Variants in QRICH2 observed in about 807,000 individuals in gnomAD.
QRICH2 encodes the protein glutamine rich 2, also known as glutamine-rich protein 2.
In QRICH2, 119 loss-of-function variants were observed where a neutral mutation model predicts 168.3. The ratio of observed to expected loss-of-function variants is 0.71; its 90% CI spans 0.61 to 0.82. QRICH2 has a LOEUF of 0.82. Among genes scored for constraint, QRICH2 ranks in the 40% least tolerant of loss-of-function variants. QRICH2 has a pLI of 0.00. For missense variants in QRICH2, 2,241 were observed against 2,491.6 expected, an observed-to-expected ratio of 0.90 and a Z score of 2.14; for synonymous variants, 894 against 951.2, an observed-to-expected ratio of 0.94 and a Z score of 1.11.
At chr17:76,282,419 C>T (rs549119186) in intron 7 of QRICH2, among the ~76,000 whole-genome samples, 4 of 152,330 alleles carry the variant, frequency 2.6e-5, no homozygotes, top group East Asian at 3.9e-4. Context: ...TTAGCTAAAT[C>T]GTAAAGTGCT....
intron 3 of QRICH2, among the ~76,000 whole-genome samples, chr17:76,297,307 A>G (rs186985): frequency 0.48 from 72,370 of 152,016 alleles, 20,640 homozygotes; most frequent in African/African-American, 0.78. Context: ...AGGAGTTCGG[A>G]ACCAGCCTGG....
In QRICH2 at chr17:76,282,042, G is replaced by A. The variant is rs376603556; in HGVS notation, c.4085C>T (p.Pro1362Leu). The A allele has an allele frequency of 1.9e-5, 31 of 1,613,626 alleles. No homozygotes were observed. The highest frequency in any genetic ancestry group is 1.7e-4 in the Middle Eastern group (1 of 6,058). ...AGGAGCCAAGGTGTGGGCCTTGTGCGGGGCCATGCTCATGGACAGGAGCGT... is the reference window on the plus strand; with the variant it reads ...AGGAGCCAAGGTGTGGGCCTTGTGCAGGGCCATGCTCATGGACAGGAGCGT... ...SSTLLSMSMA[P>L]HKAHTLAPGQ... The change falls in exon 8 of 19, where the codon CCG becomes CTG. Residue 1362 changes from proline to leucine, a missense_variant. Physicochemically the swap from Pro to Leu is moderately conservative, Grantham distance 98. This residue lies in a region of QRICH2 where 2,047 missense variants were observed against 2,303.8 expected (regional missense o/e 0.89). Transcript: ENST00000680821.
intron 3 of QRICH2, among the ~76,000 whole-genome samples, chr17:76,298,220 G>A (rs1175930569): frequency 1.6e-4 from 19 of 119,678 alleles, no homozygotes; most frequent in African/African-American, 6.6e-4. Context: ...GTCTCACTCT[G>A]TCACCCAGGC....
chr17:76,294,110 A>T, intron 3 of QRICH2, 89 bp from the exon 4 acceptor site: 1 of 1,484,050 alleles, frequency 6.7e-7, no homozygotes, highest in Non-Finnish European at 9.0e-7. Flanking sequence ...TCTGACTAGG[A>T]TGATTTAGGG....
At position 76,293,410 on chromosome 17, in the gene QRICH2, C is replaced by T; in HGVS notation, c.1317G>A (p.Glu439=). 6.2e-7 allele frequency: 1 copy of T among 1,614,196 alleles called. No homozygotes were observed. The highest frequency in any genetic ancestry group is 1.3e-5 in the African/African-American group (1 of 75,054). The change falls in exon 4 of 19, where the codon GAG becomes GAA. Residue 439 remains glutamate (E), a synonymous_variant. Coordinates refer to ENST00000680821, the MANE Select transcript of QRICH2 (RefSeq NM_001388453.1). ...DRELIPFVVD[E]QRMLPPSVPG... is the part of the protein sequence containing the mutation. ...GTACTGATGGTGGCAACATACGTTGCTCATCCACGACAAATGGTATCAATT... is the reference window on the plus strand; with the variant it reads ...GTACTGATGGTGGCAACATACGTTGTTCATCCACGACAAATGGTATCAATT...
chr17:76,293,121 C>T lies in QRICH2; in HGVS notation c.1606G>A (p.Val536Ile). Reference sequence around the variant, plus strand: ...CTAATTGGCATCAAACCAGGTGATACCAAACCATGCTGGTCTGTAAAAGGT... The same window carrying T: ...CTAATTGGCATCAAACCAGGTGATATCAAACCATGCTGGTCTGTAAAAGGT... ...VLPFTDQHGLVSPGLMPISAD... is the reference protein window; with the variant it reads ...VLPFTDQHGLISPGLMPISAD... The change falls in exon 4 of 19, where the codon GTA becomes ATA. Residue 536 changes from valine (V) to isoleucine (I), a missense_variant. Coordinates refer to ENST00000680821, the MANE Select transcript of QRICH2 (RefSeq NM_001388453.1). 6.2e-7 allele frequency: 1 copy of T among 1,614,230 alleles called. No homozygotes were observed.
rs745468309 is a variant in QRICH2 at position 76,280,758 on chromosome 17, A to AT, written c.4387-31_4387-30insA. 6.2e-7 allele frequency: 1 copy of AT among 1,614,106 alleles called. No individual in the cohort carries two copies. The highest frequency in any genetic ancestry group is 8.5e-7 in the Non-Finnish European group (1 of 1,180,018). ...GGAGGCCAAGTGAACAGAGAAAAAA[A>AT]GAGCCAGCAGCTGCGGGGCTAGGGC... is the stretch of plus-strand genomic sequence containing the variant. On this transcript the variant is annotated intron_variant, in intron 9 of 18. Coordinates refer to ENST00000680821, the MANE Select transcript of QRICH2 (RefSeq NM_001388453.1). This position sits in a 1 kb window ranked among gnomAD's most constrained non-coding sequence, Gnocchi z 7.4.
At chr17:76,298,837 A>G (rs967055114) in intron 3 of QRICH2, among the ~76,000 whole-genome samples, 28 of 151,972 alleles carry the variant, frequency 1.8e-4, no homozygotes, top group Non-Finnish European at 4.0e-4. Context: ...GCTGGTCTCA[A>G]ATTCCCGACC....
In QRICH2 at chr17:76,308,059, C is replaced by T. The variant is rs151107276; in HGVS notation, c.-61G>A. 9.5e-4 allele frequency: 1,165 copies of T among 1,230,186 alleles called. 25 individuals carry two copies. In the East Asian group the frequency reaches 0.034, roughly 36 times the overall value. The allele number at this position is 1,230,186 out of a possible 1,614,324, so 76.2% of individuals were successfully genotyped here. ...CCGGCCAACCACTTCCCGCTCACTGCACGCCGCGCCTTGGGGCCTTTCGGG... is the reference window on the plus strand; with the variant it reads ...CCGGCCAACCACTTCCCGCTCACTGTACGCCGCGCCTTGGGGCCTTTCGGG... On this transcript the variant is annotated 5_prime_UTR_variant, in exon 1 of 19. Coordinates refer to ENST00000680821, the MANE Select transcript of QRICH2 (RefSeq NM_001388453.1).
At chr17:76,301,522 C>G (rs1380761274) in intron 3 of QRICH2, 2 of 172,678 alleles carry the variant, frequency 1.2e-5, no homozygotes, top group East Asian at 4.1e-4. Context: ...GAGCCGAGAT[C>G]ACACCACTGC....
At chr17:76,295,332 GTA>G (rs1241956093) in intron 3 of QRICH2, among the ~76,000 whole-genome samples, 2 of 151,962 alleles carry the variant, frequency 1.3e-5, no homozygotes, top group African/African-American at 4.8e-5. Flanking sequence ...TGATAAAAGT[GTA>G]TACTGGAATG....
At position 76,292,977 on chromosome 17, in the gene QRICH2, C is replaced by T; in HGVS notation, c.1750G>A (p.Gly584Ser). ...GRFQRALVQR[G>S]AYQPGLVQPG... ...TGGACCAAGCCAGGCTGATATGCAC[C>T]ACGCTGCACCAAAGCACGCTGAAAT... is the stretch of plus-strand genomic sequence containing the variant. The change falls in exon 4 of 19, where the codon GGT becomes AGT. Residue 584 changes from glycine to serine, a missense_variant. Gly to Ser is a moderately conservative substitution (Grantham distance 56). Around this residue, in one of 3 missense-constraint regions of QRICH2, gnomAD observed 2,047 missense variants for 2,303.8 expected, o/e 0.89. Transcript: ENST00000680821. The T allele has an allele frequency of 6.2e-7, 1 of 1,614,206 alleles. No individual in the cohort carries two copies. Among genetic ancestry groups the T allele is most frequent in the Non-Finnish European group, 8.5e-7 (1 of 1,180,040 alleles).
intron 7 of QRICH2, among the ~76,000 whole-genome samples, chr17:76,283,543 C>T (rs1304574703): frequency 6.6e-6 from 1 of 152,188 alleles, no homozygotes; most frequent in Non-Finnish European, 1.5e-5. Flanking sequence ...TGGGGCACAC[C>T]ACAGTTCCAG....
At chr17:76,287,988 G>A (rs777766606) in intron 5 of QRICH2, 91 bp from the exon 6 acceptor site, 43 of 1,017,404 alleles carry the variant, frequency 4.2e-5, no homozygotes, top group Middle Eastern at 2.3e-4. Context: ...AGCCCTCCCC[G>A]TTCCCTCTAC....
rs4789273 is a variant in QRICH2 at position 76,290,001 on chromosome 17, C to G, written c.3789G>C (p.Glu1263Asp). The change falls in exon 5 of 19, where the codon GAG becomes GAC. Residue 1263 changes from glutamate to aspartate, a missense_variant. Glu to Asp is a conservative substitution (Grantham distance 45, BLOSUM62 2). Around this residue, in one of 3 missense-constraint regions of QRICH2, gnomAD observed 2,047 missense variants for 2,303.8 expected, o/e 0.89. Coordinates refer to ENST00000680821, the MANE Select transcript of QRICH2 (RefSeq NM_001388453.1). Reference protein sequence around the residue: ...VKTLAKEVWQEKAKVERLQRI... With the variant: ...VKTLAKEVWQDKAKVERLQRI... ...GTTGACTCTTCCTTACTTTTGCTTT[C>G]TCCTGCCAAACTTCTTTGGCTAGCG... The G allele has an allele frequency of 6.3e-7, 1 of 1,596,456 alleles. No homozygotes were observed. The highest frequency in any genetic ancestry group is 8.6e-7 in the Non-Finnish European group (1 of 1,167,046).
Position 76,307,769 on chromosome 17 carries a change from T to C in QRICH2, c.230A>G (p.Lys77Arg). The C allele has an allele frequency of 1.4e-6, 2 of 1,385,150 alleles. No homozygotes were observed. The highest frequency in any genetic ancestry group is 1.9e-6 in the Non-Finnish European group (2 of 1,073,728). The allele number at this position is 1,385,150 out of a possible 1,614,324, so 85.8% of individuals were successfully genotyped here. A position where few individuals can be genotyped will look rare whatever the true frequency, so the allele number is the denominator to read the frequency against. Residue 77 changes from lysine to arginine, a missense_variant, in exon 1 of 19, where the codon AAG becomes AGG. Physicochemically the swap from Lys to Arg is conservative, Grantham distance 26. Coordinates refer to ENST00000680821, the MANE Select transcript of QRICH2 (RefSeq NM_001388453.1). The surrounding 1 kb of genome is among the most constrained non-coding windows in gnomAD (Gnocchi z 5.3). ...CCGGGGCGCCCCCTTGGGCACCTCCTTGGGCGCGGGCAGGTGCGGGATGCT... is the reference window on the plus strand; with the variant it reads ...CCGGGGCGCCCCCTTGGGCACCTCCCTGGGCGCGGGCAGGTGCGGGATGCT... Reference protein sequence around the residue: ...SFSIPHLPAPKEVPKGAPREK... With the variant: ...SFSIPHLPAPREVPKGAPREK...
At position 76,307,749 on chromosome 17, in the gene QRICH2, G is replaced by C. The variant is rs2071013485; in HGVS notation, c.250C>G (p.Pro84Ala). ...PAPKEVPKGA[P>A]REKRRGVGQA... ...CCCACGCCCCTGCGCTTCTCCCGGG[G>C]CGCCCCCTTGGGCACCTCCTTGGGC... is the stretch of plus-strand genomic sequence containing the variant. The change falls in exon 1 of 19, where the codon CCC becomes GCC. Residue 84 changes from proline to alanine, a missense_variant. Pro to Ala is a conservative substitution (Grantham distance 27, BLOSUM62 -1). Transcript: ENST00000680821. The surrounding 1 kb of genome is among the most constrained non-coding windows in gnomAD (Gnocchi z 5.3). 7 of 1,380,834 alleles carry C rather than the reference G, an allele frequency of 5.1e-6. No homozygotes were observed. The highest frequency in any genetic ancestry group is 5.6e-5 in the East Asian group (2 of 35,512). The allele number at this position is 1,380,834 out of a possible 1,614,324, so 85.5% of individuals were successfully genotyped here.
intron 6 of QRICH2, among the ~76,000 whole-genome samples, chr17:76,287,534 AGTT>A (rs2070912961): frequency 1.3e-5 from 2 of 152,134 alleles, no homozygotes; most frequent in South Asian, 4.1e-4. Flanking sequence ...GGCCGTCAGA[AGTT>A]GTCTCCTTCA....
intron 3 of QRICH2, chr17:76,301,413 CA>C: frequency 4.2e-6 from 1 of 238,644 alleles, no homozygotes; most frequent in Non-Finnish European, 8.8e-6. Flanking sequence ...ACTAAAAATA[CA>C]AAAATTAGCT....
Sources: gnomAD v4.1 joint callset for allele counts (sites outside exome capture counted in the v4.1 genomes callset) on GRCh38, gnomAD v4.1.1 for gene constraint, gnomAD v4.1.1 regional missense constraint, Gnocchi (gnomAD v3.1) non-coding constraint, MANE v1.5 for transcripts, NCBI Gene and HGNC (gene_info 2026-07-23, HGNC 2026-07-21) for gene names.